Variants in MPV17L observed in about 807,000 individuals in gnomAD.
MPV17L encodes the protein MPV17 mitochondrial inner membrane protein like, also known as mpv17-like protein.
In MPV17L, 24 loss-of-function variants were observed where a neutral mutation model predicts 25.8. The ratio of observed to expected loss-of-function variants is 0.93; its 90% CI spans 0.67 to 1.31. The LOEUF (loss-of-function observed/expected upper bound fraction) is 1.31. MPV17L is among the 50% of genes most tolerant of loss of function. MPV17L has a pLI of 0.00. For missense variants in MPV17L, 250 were observed against 265.6 expected (o/e 0.94, Z 0.41); for synonymous variants, 102 against 115.3 (o/e 0.88, Z 0.74).
In MPV17L at chr16:15,396,921, C is replaced by T. The variant is rs536415189; in HGVS notation, c.310+714C>T. On this transcript the variant is annotated intron_variant, in intron 1 of 3. Coordinates refer to ENST00000396385, the MANE Select transcript of MPV17L (RefSeq NM_001128423.2). ...CAGGGAACCCTCTCCTTAGAAAATCCGACCCGGGCCTGGGGTGTGGGGGAC... is the reference window on the plus strand; with the variant it reads ...CAGGGAACCCTCTCCTTAGAAAATCTGACCCGGGCCTGGGGTGTGGGGGAC... Among the ~76,000 whole-genome samples, 213 of 152,084 alleles carry T rather than the reference C, an allele frequency of 1.4e-3. 1 individual carries two copies. The highest frequency in any genetic ancestry group is 2.5e-3 in the Non-Finnish European group (167 of 67,968).
At chr16:15,397,062 C>T (rs1416240450) in intron 1 of MPV17L, among the ~76,000 whole-genome samples, 3 of 152,006 alleles carry the variant, frequency 2.0e-5, no homozygotes, top group East Asian at 3.9e-4. Flanking sequence ...CACCAAGAGG[C>T]GGATTTTGAT....
At chr16:15,400,714 G>T in intron 1 of MPV17L, 73 bp from the exon 2 acceptor site, 1 of 1,033,580 alleles carries the variant, frequency 9.7e-7, no homozygotes, top group Non-Finnish European at 1.3e-6. Flanking sequence ...TTTTGGAATG[G>T]GAAACTTAAA....
intron 2 of MPV17L, among the ~76,000 whole-genome samples, chr16:15,403,553 G>A (rs1327722080): frequency 6.6e-6 from 1 of 151,134 alleles, no homozygotes; most frequent in Non-Finnish European, 1.5e-5. Context: ...AAGTGTCTGT[G>A]GTCCCAGCTG....
chr16:15,413,084 TA>T lies in MPV17L; in HGVS notation c.*4973del, dbSNP rs2050749202. 6.6e-6 allele frequency: 1 copy of T among 152,240 alleles called. No homozygotes were observed. Among genetic ancestry groups the T allele is most frequent in the Non-Finnish European group, 1.5e-5 (1 of 68,052 alleles). The allele number at this position is 152,240 out of a possible 1,614,324, so 9.4% of individuals were successfully genotyped here. A position where few individuals can be genotyped will look rare whatever the true frequency, so the allele number is the denominator to read the frequency against. ...TTGCTAGAATGAATTATATCTAGGATATGCTTAACAATATATTCTGGAGGCA... is the reference window on the plus strand; with the variant it reads ...TTGCTAGAATGAATTATATCTAGGATTGCTTAACAATATATTCTGGAGGCA... On this transcript the variant is annotated 3_prime_UTR_variant, in exon 4 of 4. Coordinates refer to ENST00000396385, the MANE Select transcript of MPV17L (RefSeq NM_001128423.2).
chr16:15,397,319 A>T (rs2050595587), intron 1 of MPV17L, among the ~76,000 whole-genome samples: 1 of 152,120 alleles, frequency 6.6e-6, no homozygotes, highest in African/African-American at 2.4e-5. Context: ...GGTAATGAGG[A>T]GAGTTAACTT....
At position 15,408,688 on chromosome 16, in the gene MPV17L, C is replaced by T. The variant is rs1163682430; in HGVS notation, c.*576C>T. The T allele has an allele frequency of 1.3e-5, 2 of 149,842 alleles. No individual in the cohort carries two copies. Among genetic ancestry groups the T allele is most frequent in the Non-Finnish European group, 3.0e-5 (2 of 67,616 alleles). 9.3% of individuals were successfully genotyped at this position (149,842 alleles called of 1,614,324 possible). On this transcript the variant is annotated 3_prime_UTR_variant, in exon 4 of 4. Coordinates refer to ENST00000396385, the MANE Select transcript of MPV17L (RefSeq NM_001128423.2). ...CACGATCGCGGCTCACTGCAGCCTC[C>T]ATCCTCTGGGTTCAAGCAATTCTCC... is the stretch of plus-strand genomic sequence containing the variant.
intron 2 of MPV17L, among the ~76,000 whole-genome samples, chr16:15,403,880 T>TC (rs2150906699): frequency 6.6e-6 from 1 of 152,082 alleles, no homozygotes; most frequent in Non-Finnish European, 1.5e-5. Context: ...TGGGAAGATT[T>TC]CCTTTAAAGA....
At chr16:15,403,738 G>T (rs1412454196) in intron 2 of MPV17L, among the ~76,000 whole-genome samples, 1 of 151,196 alleles carries the variant, frequency 6.6e-6, no homozygotes, top group Non-Finnish European at 1.5e-5. Flanking sequence ...ATTTGTAAAT[G>T]AACAAAACCA....
intron 2 of MPV17L, among the ~76,000 whole-genome samples, chr16:15,406,512 A>C (rs1223584614): frequency 6.6e-6 from 1 of 152,158 alleles, no homozygotes; most frequent in Non-Finnish European, 1.5e-5. Flanking sequence ...AGCTTGTGAA[A>C]TGTCTATCTA....
chr16:15,402,055 C>T (rs2050643567), intron 2 of MPV17L, among the ~76,000 whole-genome samples: 1 of 152,132 alleles, frequency 6.6e-6, no homozygotes, highest in African/African-American at 2.4e-5. Flanking sequence ...CCAATGTTTT[C>T]AGGTGAGCAT....
In MPV17L at chr16:15,408,053, G is replaced by C; in HGVS notation, c.532G>C (p.Ala178Pro). The C allele has an allele frequency of 6.2e-7, 1 of 1,613,708 alleles. No individual in the cohort carries two copies. Among genetic ancestry groups the C allele is most frequent in the Non-Finnish European group, 8.5e-7 (1 of 1,179,894 alleles). The change falls in exon 4 of 4, where the codon GCT becomes CCT. Residue 178 changes from alanine (A) to proline (P), a missense_variant. Transcript: ENST00000396385. ...QQSGDGTFKS[A>P]FTILYTKGTS... The stretch of plus-strand genomic sequence containing the variant: ...GAGTGGTGACGGCACATTCAAGTCA[G>C]CTTTCACCATTTTATATACAAAGGG...
At chr16:15,403,806 C>T (rs1329593816) in intron 2 of MPV17L, among the ~76,000 whole-genome samples, 1 of 152,026 alleles carries the variant, frequency 6.6e-6, no homozygotes, top group African/African-American at 2.4e-5. Context: ...TGAGTCTCAT[C>T]TACCCTCAGG....
chr16:15,397,844 G>A (rs534140123), intron 1 of MPV17L, among the ~76,000 whole-genome samples: 1 of 152,220 alleles, frequency 6.6e-6, no homozygotes, highest in African/African-American at 2.4e-5. Context: ...GACGGGGTCA[G>A]TGGGTCAGGA....
rs1363236944 is a variant in MPV17L, at chr16:15,412,361, T to A, written c.*4249T>A. On this transcript the variant is annotated 3_prime_UTR_variant, in exon 4 of 4. Coordinates refer to ENST00000396385, the MANE Select transcript of MPV17L (RefSeq NM_001128423.2). ...AGGAGGATCACTCAAGCCCAGGAGG[T>A]GGAGGTTGCAGTGAGCCGAGATCAC... The A allele has an allele frequency of 6.8e-6, 1 of 147,296 alleles. No homozygotes were observed. The highest frequency in any genetic ancestry group is 7.0e-5 in the Admixed American group (1 of 14,368). The allele number at this position is 147,296 out of a possible 1,614,324, so 9.1% of individuals were successfully genotyped here. A position where few individuals can be genotyped will look rare whatever the true frequency, so the allele number is the denominator to read the frequency against.
intron 2 of MPV17L, among the ~76,000 whole-genome samples, chr16:15,404,715 G>A (rs1598425874): frequency 6.6e-6 from 1 of 152,086 alleles, no homozygotes; most frequent in South Asian, 2.1e-4. Context: ...CCAGCTACTC[G>A]GGAGGCTGAG....
chr16:15,405,422 T>C (rs1225906437), intron 2 of MPV17L, among the ~76,000 whole-genome samples: 1 of 150,152 alleles, frequency 6.7e-6, no homozygotes, highest in Non-Finnish European at 1.5e-5. Context: ...ATAAGTTTAG[T>C]CTTCTGATTA....
In MPV17L at chr16:15,411,368, G is replaced by A. The variant is rs1238066751; in HGVS notation, c.*3256G>A. On this transcript the variant is annotated 3_prime_UTR_variant, in exon 4 of 4. Transcript: ENST00000396385. ...ATTTTGTATAAAAGTACTTGGGGCT[G>A]GGCATGATCGCTTATGTCTATAATC... The A allele has an allele frequency of 6.6e-6, 1 of 152,274 alleles. No individual in the cohort carries two copies. The highest frequency in any genetic ancestry group is 1.5e-5 in the Non-Finnish European group (1 of 68,074). 9.4% of individuals were successfully genotyped at this position (152,274 alleles called of 1,614,324 possible). A position where few individuals can be genotyped will look rare whatever the true frequency, so the allele number is the denominator to read the frequency against.
intron 2 of MPV17L, among the ~76,000 whole-genome samples, chr16:15,402,678 TTTTG>T (rs1013886582): frequency 9.2e-5 from 14 of 152,174 alleles, no homozygotes; most frequent in African/African-American, 1.7e-4. Flanking sequence ...GTTTTGGTTT[TTTTG>T]TTTGTTTGTT....
chr16:15,401,084 A>G (rs1339605220), intron 2 of MPV17L, among the ~76,000 whole-genome samples: 1 of 33,202 alleles, frequency 3.0e-5, no homozygotes, highest in African/African-American at 9.9e-5. Flanking sequence ...ATATATATAT[A>G]TATTTTTTTT....
Sources: allele counts gnomAD v4.1 joint callset (sites outside exome capture counted in the v4.1 genomes callset), GRCh38; gene constraint gnomAD v4.1.1; transcripts MANE v1.5; gene names NCBI Gene and HGNC (gene_info 2026-07-23, HGNC 2026-07-21).